The following PHC2 variants were observed in gnomAD, a reference collection of about 807,000 sequenced individuals.
The protein encoded by PHC2 is polyhomeotic homolog 2, also known as polyhomeotic-like protein 2.
Under a neutral mutation model 87.4 loss-of-function variants are expected in PHC2, and 29 were observed. The ratio of observed to expected loss-of-function variants is 0.33; its 90% confidence interval spans 0.25 to 0.45. PHC2 has a LOEUF of 0.45. PHC2 is among the 20% of genes least tolerant of loss of function. The pLI is 1.00. For synonymous variants in PHC2, 438 were observed against 461.7 expected, an observed-to-expected ratio of 0.95 and a Z score of 0.66; for missense variants, 857 against 1,136.7, an observed-to-expected ratio of 0.75 and a Z score of 3.54.
At chr1:33,399,332 C>T (rs542747229) in intron 1 of PHC2, among the ~76,000 whole-genome samples, 41 of 145,990 alleles carry the variant, frequency 2.8e-4, no homozygotes, top group African/African-American at 9.7e-4. Context: ...ACTTTGGACA[C>T]TGAGCTCACA....
chr1:33,337,435 A>G (rs1446394344), intron 9 of PHC2, among the ~76,000 whole-genome samples: 2 of 152,208 alleles, frequency 1.3e-5, no homozygotes, highest in Non-Finnish European at 2.9e-5. Flanking sequence ...AACAAGGCCA[A>G]TCAGATTTGT....
At chr1:33,328,727 G>GCC (rs1646424908) in intron 14 of PHC2, 143 bp downstream of exon 14, 6 of 676,656 alleles carry the variant, frequency 8.9e-6, no homozygotes, top group Non-Finnish European at 1.5e-5. Context: ...TATAGGCAGG[G>GCC]AGCTCATCTC....
At chr1:33,386,335 G>A (rs1442972677) in intron 1 of PHC2, among the ~76,000 whole-genome samples, 2 of 151,072 alleles carry the variant, frequency 1.3e-5, no homozygotes, top group Non-Finnish European at 2.9e-5. Flanking sequence ...GGCCAACATA[G>A]TGAAACCCCG....
chr1:33,420,703 G>C (rs1271040234), intron 1 of PHC2, among the ~76,000 whole-genome samples: 1 of 151,746 alleles, frequency 6.6e-6, no homozygotes, highest in African/African-American at 2.4e-5. Flanking sequence ...TTGACCTCTT[G>C]GGCTCAAGTG....
At chr1:33,423,703 C>G (rs1650546640) in intron 1 of PHC2, among the ~76,000 whole-genome samples, 1 of 152,112 alleles carries the variant, frequency 6.6e-6, no homozygotes. Flanking sequence ...TAATTTGGGG[C>G]AAAACTTGGA....
intron 13 of PHC2, among the ~76,000 whole-genome samples, chr1:33,329,421 A>G (rs1646440176): frequency 6.6e-6 from 1 of 152,194 alleles, no homozygotes; most frequent in South Asian, 2.1e-4. Flanking sequence ...TCACAGAGCC[A>G]CTTGAAATAG....
In PHC2 at chr1:33,405,096, C is replaced by T. The variant is rs112924323; in HGVS notation, c.-55+25880G>A. Reference sequence around the variant, plus strand: ...GTATTCTTTATAATACCTCTAGGATCGGCAGTGATGTCTTCCTTTTCATTC... The same window carrying T: ...GTATTCTTTATAATACCTCTAGGATTGGCAGTGATGTCTTCCTTTTCATTC... On this transcript the variant is annotated intron_variant, in intron 1 of 14. Transcript: ENST00000683057. Among the ~76,000 whole-genome samples the T allele has an allele frequency of 6.1e-3, 926 of 151,980 alleles. 15 individuals carry two copies. Among genetic ancestry groups the T allele is most frequent in the African/African-American group, 0.021 (888 of 41,466 alleles).
intron 1 of PHC2, among the ~76,000 whole-genome samples, chr1:33,426,520 A>T (rs1650678296): frequency 6.6e-6 from 1 of 152,192 alleles, no homozygotes; most frequent in Non-Finnish European, 1.5e-5. Context: ...GTTGTATTTA[A>T]ACTGGGAGTA....
chr1:33,347,363 C>T (rs1402052861), intron 9 of PHC2: 1 of 985,272 alleles, frequency 1.0e-6, no homozygotes, highest in Non-Finnish European at 1.2e-6. Context: ...AGAATGATGA[C>T]TGTGACAGAA....
At chr1:33,328,543 CAT>C (rs1228400240) in intron 14 of PHC2, among the ~76,000 whole-genome samples, 1 of 138,562 alleles carries the variant, frequency 7.2e-6, no homozygotes, top group Non-Finnish European at 1.6e-5. Context: ...GTTCCTGACA[CAT>C]ATCCTACACT....
At chr1:33,381,857 G>T (rs1410309200) in intron 1 of PHC2, among the ~76,000 whole-genome samples, 3 of 151,978 alleles carry the variant, frequency 2.0e-5, no homozygotes, top group Non-Finnish European at 2.9e-5. Flanking sequence ...ACCAGTATGA[G>T]AAATCAAAAA....
At chr1:33,415,244 C>G (rs1650155888) in intron 1 of PHC2, among the ~76,000 whole-genome samples, 1 of 152,184 alleles carries the variant, frequency 6.6e-6, no homozygotes, top group African/African-American at 2.4e-5. Context: ...TGACTAAGCA[C>G]TGGTCTGCAC....
At chr1:33,371,554 A>C (rs1454215230) in intron 3 of PHC2, among the ~76,000 whole-genome samples, 2 of 151,982 alleles carry the variant, frequency 1.3e-5, no homozygotes, top group South Asian at 2.1e-4. Context: ...ACCGCCCCCC[A>C]CAGAGAATTT....
chr1:33,429,095 C>T (rs1054766162), intron 1 of PHC2, among the ~76,000 whole-genome samples: 1 of 152,124 alleles, frequency 6.6e-6, no homozygotes, highest in African/African-American at 2.4e-5. Flanking sequence ...TTAGATTTGC[C>T]CCTCTCAGAT....
chr1:33,402,458 C>T lies in PHC2; in HGVS notation c.-54-26865G>A, dbSNP rs573033197. On this transcript the variant is annotated intron_variant, in intron 1 of 14. Coordinates refer to ENST00000683057, the MANE Select transcript of PHC2 (RefSeq NM_001385109.1). ...TATCTATACACCTATCTTAGAAAAA[C>T]TCTTGCACATATTCATAAGGTGACA... Among the ~76,000 whole-genome samples, 6 of 152,214 alleles carry T rather than the reference C, an allele frequency of 3.9e-5. No individual in the cohort carries two copies. The South Asian group carries it at 1.2e-3, about 32-fold the overall frequency.
rs147339023 is a variant in PHC2, at chr1:33,357,287, A to C, written c.977-2034T>G. On this transcript the variant is annotated intron_variant, in intron 7 of 14. Transcript: ENST00000683057. ...ATGGATCCTGTGATGCAACAGGTGCAAAGTAAGCAGGTTTCAAACTGAGTT... is the reference window on the plus strand; with the variant it reads ...ATGGATCCTGTGATGCAACAGGTGCCAAGTAAGCAGGTTTCAAACTGAGTT... Among the ~76,000 whole-genome samples the C allele has an allele frequency of 5.4e-3, 820 of 152,336 alleles. 10 individuals are homozygous for C. Among genetic ancestry groups the C allele is most frequent in the African/African-American group, 0.019 (774 of 41,562 alleles).
intron 7 of PHC2, chr1:33,363,649 T>C (rs1647268094): frequency 6.5e-6 from 4 of 618,752 alleles, no homozygotes; most frequent in Non-Finnish European, 8.1e-6. Context: ...GAGGCCCAAC[T>C]GGGTGAAAGG....
intron 9 of PHC2, chr1:33,347,336 T>A (rs1458452984): frequency 2.0e-6 from 2 of 985,278 alleles, no homozygotes; most frequent in Non-Finnish European, 2.4e-6. Flanking sequence ...GATGAGATGA[T>A]GAGACCCACA....
In PHC2 at chr1:33,324,990, C is replaced by T. The variant is rs200297061; in HGVS notation, c.2455G>A (p.Ala819Thr). The change falls in exon 15 of 15, where the codon GCC becomes ACC. Residue 819 changes from alanine (A) to threonine (T), a missense_variant. Coordinates refer to ENST00000683057, the MANE Select transcript of PHC2 (RefSeq NM_001385109.1). ...GCQEIAEEFR[A>T]QEIDGQALLL... ...AGGGCTTGCCCGTCGATTTCCTGGG[C>T]ACGGAATTCCTCTGCTATCTCCTGG... 1.2e-6 allele frequency: 2 copies of T among 1,613,496 alleles called. No individual in the cohort carries two copies. Among genetic ancestry groups the T allele is most frequent in the Non-Finnish European group, 1.7e-6 (2 of 1,179,584 alleles).
Sources: allele counts gnomAD v4.1 joint callset (sites outside exome capture counted in the v4.1 genomes callset), GRCh38; gene constraint gnomAD v4.1.1; transcripts MANE v1.5; gene names NCBI Gene and HGNC (gene_info 2026-07-23, HGNC 2026-07-21).